Variants in ANK2 observed in about 807,000 individuals in gnomAD.
ANK2 encodes the protein ankyrin 2.
In ANK2, 83 loss-of-function variants were observed where a neutral mutation model predicts 360.5. The observed-to-expected ratio is 0.23, with a 90% CI of 0.19 to 0.28. The LOEUF is 0.28. Ranked by LOEUF, ANK2 falls within the 10% of genes least tolerant of loss-of-function variation. ANK2 has a pLI of 1.00. For missense variants in ANK2, 4,201 were observed against 4,795.7 expected (o/e 0.88, Z 3.66); for synonymous variants, 1,740 against 1,759.5 (o/e 0.99, Z 0.28).
intron 1 of ANK2, among the ~76,000 whole-genome samples, chr4:112,880,048 T>TCA (rs150385010): frequency 1.2e-3 from 172 of 146,624 alleles, no homozygotes; most frequent in African/African-American, 3.8e-3. Context: ...ACACAGACAC[T>TCA]CACACACACA....
At chr4:113,098,899 A>G (rs1038584106) in intron 1 of ANK2, among the ~76,000 whole-genome samples, 1 of 151,948 alleles carries the variant, frequency 6.6e-6, no homozygotes, top group Non-Finnish European at 1.5e-5. Context: ...AAGAAGAAAA[A>G]TCGTATGATC....
At chr4:113,269,038 C>A (rs2057404983) in intron 14 of ANK2, among the ~76,000 whole-genome samples, 1 of 152,088 alleles carries the variant, frequency 6.6e-6, no homozygotes, top group Non-Finnish European at 1.5e-5. Context: ...GGTGTAGAGG[C>A]ATTTATCGTA....
At chr4:113,190,950 G>A (rs184379454) in intron 2 of ANK2, among the ~76,000 whole-genome samples, 28 of 152,080 alleles carry the variant, frequency 1.8e-4, no homozygotes, top group Middle Eastern at 3.4e-3. Flanking sequence ...TCTTATACAT[G>A]TTAAGCCAAC....
chr4:113,008,969 G>C (rs2053843631), intron 2 of ANK2, among the ~76,000 whole-genome samples: 1 of 152,070 alleles, frequency 6.6e-6, no homozygotes, highest in South Asian at 2.1e-4. Flanking sequence ...TTCACTCGTG[G>C]GGCCTCAGAG....
At chr4:113,223,213 G>C (rs996999732) in intron 4 of ANK2, among the ~76,000 whole-genome samples, 5 of 152,192 alleles carry the variant, frequency 3.3e-5, no homozygotes, top group Middle Eastern at 3.2e-3. Flanking sequence ...ATGGGAATTA[G>C]AGTAGTATTT....
intron 32 of ANK2, among the ~76,000 whole-genome samples, chr4:113,339,548 C>T (rs886153992): frequency 6.6e-6 from 1 of 152,182 alleles, no homozygotes; most frequent in African/African-American, 2.4e-5. Flanking sequence ...GGAAAAGGAG[C>T]GATTGTCTGC....
At chr4:113,147,256 A>T (rs1468790617) in intron 1 of ANK2, among the ~76,000 whole-genome samples, 1 of 152,182 alleles carries the variant, frequency 6.6e-6, no homozygotes, top group Non-Finnish European at 1.5e-5. Context: ...TTTGTAACCA[A>T]GAGCAGTAAC....
At chr4:113,368,275 C>T (rs2096608221) in intron 42 of ANK2, among the ~76,000 whole-genome samples, 2 of 152,200 alleles carry the variant, frequency 1.3e-5, no homozygotes, top group Non-Finnish European at 2.9e-5. Context: ...TTCAAATATG[C>T]TCTGTAGCAC....
At chr4:112,754,241 C>T in the ANK2 span, among the ~76,000 whole-genome samples, 1 of 150,218 alleles carries the variant, frequency 6.7e-6, no homozygotes, top group Non-Finnish European at 1.5e-5. Context: ...AGGACAATTA[C>T]TGTGGCATGT....
chr4:113,275,583 G>A (rs1022177438), intron 15 of ANK2, among the ~76,000 whole-genome samples: 4 of 152,120 alleles, frequency 2.6e-5, no homozygotes, highest in African/African-American at 9.7e-5. Context: ...CAGCCCACTA[G>A]CTGTTATGGC....
At chr4:113,054,939 T>C (rs2068872881) in intron 1 of ANK2, among the ~76,000 whole-genome samples, 1 of 152,232 alleles carries the variant, frequency 6.6e-6, no homozygotes, top group African/African-American at 2.4e-5. Flanking sequence ...TAGAGCAGCA[T>C]ATTTCAAAGT....
chr4:112,744,995 T>C, the ANK2 span, among the ~76,000 whole-genome samples: 1 of 152,258 alleles, frequency 6.6e-6, no homozygotes, highest in Non-Finnish European at 1.5e-5. Flanking sequence ...GCTCTATTGA[T>C]TTGTAAGCCC....
chr4:113,300,316 C>T, intron 22 of ANK2, among the ~76,000 whole-genome samples: 1 of 152,200 alleles, frequency 6.6e-6, no homozygotes, highest in Admixed American at 6.5e-5. Flanking sequence ...ACTTTCTTTA[C>T]TTTCTCTGTT....
chr4:112,760,248 G>A, the ANK2 span, among the ~76,000 whole-genome samples: 5 of 149,722 alleles, frequency 3.3e-5, no homozygotes, highest in East Asian at 9.9e-4. Context: ...GTTCAGTGGC[G>A]CGATATCGGC....
At chr4:112,784,955 G>A in the ANK2 span, among the ~76,000 whole-genome samples, 1 of 152,194 alleles carries the variant, frequency 6.6e-6, no homozygotes, top group Non-Finnish European at 1.5e-5. Context: ...TTGTGGTTGA[G>A]CTGGAAAATG....
chr4:113,197,064 C>T (rs2107019), intron 3 of ANK2, among the ~76,000 whole-genome samples: 1 of 152,144 alleles, frequency 6.6e-6, no homozygotes. Context: ...ACCTGTTTTC[C>T]TACGGTTAAC....
intron 1 of ANK2, among the ~76,000 whole-genome samples, chr4:113,136,612 G>T (rs984804781): frequency 6.6e-6 from 1 of 152,088 alleles, no homozygotes; most frequent in African/African-American, 2.4e-5. Flanking sequence ...AGCCGGGGGA[G>T]GTGGAGGTTG....
chr4:113,110,682 A>G (rs1034772404), intron 1 of ANK2, among the ~76,000 whole-genome samples: 3 of 152,176 alleles, frequency 2.0e-5, no homozygotes, highest in Non-Finnish European at 4.4e-5. Context: ...GGTGCCAACA[A>G]TGCAGCCACA....
rs542081781 is a variant in ANK2 at position 113,002,263 on chromosome 4, G to A, written c.21+97749G>A. ...TGCTGCTATAAAGACACATGCACAC[G>A]TATGTTTATTGTGGCACTATTCACA... On this transcript the variant is annotated intron_variant, in intron 2 of 30. Transcript: ENST00000503271. Among the ~76,000 whole-genome samples the A allele has an allele frequency of 2.4e-3, 372 of 152,170 alleles. 1 individual carries two copies. The highest frequency in any genetic ancestry group is 0.017 in the Middle Eastern group (5 of 294).
Sources: gnomAD v4.1 joint callset for allele counts (sites outside exome capture counted in the v4.1 genomes callset) on GRCh38, gnomAD v4.1.1 for gene constraint, MANE v1.5 for transcripts, NCBI Gene and HGNC (gene_info 2026-07-23, HGNC 2026-07-21) for gene names.